CPA6: variants seen among roughly 807,000 people sequenced by gnomAD.
CPA6 encodes the protein carboxypeptidase B.
CPA6 carries 58 observed loss-of-function variants against 63.3 expected under a neutral mutation model. The observed-to-expected ratio is 0.92, with a 90% CI of 0.74 to 1.14. The LOEUF (loss-of-function observed/expected upper bound fraction) is 1.14, where lower values mean the gene tolerates loss of function less well. CPA6 is among the 50% of genes most tolerant of loss of function. CPA6 has a pLI of 0.00. For missense variants in CPA6, 565 were observed against 526.6 expected, an observed-to-expected ratio of 1.07 and a Z score of -0.71; for synonymous variants, 185 against 179.0, an observed-to-expected ratio of 1.03 and a Z score of -0.27.
Position 67,422,676 on chromosome 8 carries a change from C to A in CPA6, c.1142G>T (p.Ser381Ile), listed in dbSNP as rs1809792984. The change falls in exon 11 of 11, where the codon AGC becomes ATC. Residue 381 changes from serine (S) to isoleucine (I), a missense_variant. Coordinates refer to ENST00000297770, the MANE Select transcript of CPA6 (RefSeq NM_020361.5). ...ASTTLYVSSG[S>I]SMDWAYKNGI... ...ATTTTTGTAGGCCCAATCCATTGAGCTACCAGAGCTCACATCTAAAAGTTA... is the reference window on the plus strand; with the variant it reads ...ATTTTTGTAGGCCCAATCCATTGAGATACCAGAGCTCACATCTAAAAGTTA... 1 of 1,611,278 alleles carries A rather than the reference C, an allele frequency of 6.2e-7. No individual in the cohort carries two copies. Among genetic ancestry groups the A allele is most frequent in the East Asian group, 2.2e-5 (1 of 44,884 alleles).
chr8:67,519,077 C>A (rs1812208604), intron 2 of CPA6, among the ~76,000 whole-genome samples: 2 of 152,178 alleles, frequency 1.3e-5, no homozygotes, highest in African/African-American at 4.8e-5. Flanking sequence ...AAATTAGCCA[C>A]TCAGTGTTTG....
chr8:67,682,444 G>A (rs1816618469), intron 1 of CPA6, among the ~76,000 whole-genome samples: 1 of 152,114 alleles, frequency 6.6e-6, no homozygotes. Flanking sequence ...CTTGAACATT[G>A]GTGTACTGCT....
chr8:67,453,917 A>G (rs1202551648), intron 8 of CPA6, among the ~76,000 whole-genome samples: 1 of 152,252 alleles, frequency 6.6e-6, no homozygotes, highest in Non-Finnish European at 1.5e-5. Context: ...ACTCAGAAGT[A>G]CTGTGCCTTG....
At chr8:67,668,934 G>A (rs1363746829) in intron 1 of CPA6, among the ~76,000 whole-genome samples, 1 of 152,314 alleles carries the variant, frequency 6.6e-6, no homozygotes, top group Non-Finnish European at 1.5e-5. Context: ...GCTTGAATGA[G>A]AGGTGGATGC....
chr8:67,739,925 G>C (rs940571602), intron 1 of CPA6, among the ~76,000 whole-genome samples: 4 of 152,306 alleles, frequency 2.6e-5, no homozygotes, highest in Admixed American at 2.6e-4. Context: ...AAAACAAAAA[G>C]TCTTATATGT....
intron 8 of CPA6, among the ~76,000 whole-genome samples, chr8:67,444,243 C>T (rs892068633): frequency 1.6e-4 from 24 of 152,062 alleles, no homozygotes; most frequent in Non-Finnish European, 2.5e-4. Context: ...CCGCCTCGGC[C>T]TCCCAAAGTG....
At chr8:67,591,455 G>T (rs1213537811) in intron 2 of CPA6, among the ~76,000 whole-genome samples, 1 of 152,154 alleles carries the variant, frequency 6.6e-6, no homozygotes, top group East Asian at 1.9e-4. Flanking sequence ...GGAGGGCAAT[G>T]AATCTATAAA....
intron 1 of CPA6, among the ~76,000 whole-genome samples, chr8:67,642,965 T>G (rs1204309127): frequency 6.6e-6 from 1 of 152,118 alleles, no homozygotes; most frequent in East Asian, 1.9e-4. Context: ...TTAATTCAAT[T>G]ATATTAAAAT....
intron 7 of CPA6, among the ~76,000 whole-genome samples, chr8:67,484,100 C>T (rs147105735): frequency 0.03 from 4,513 of 151,372 alleles, 224 homozygotes; most frequent in African/African-American, 0.1. Flanking sequence ...GACAGAGTCT[C>T]GCTCTATCGC....
chr8:67,641,707 T>C (rs1412646523), intron 1 of CPA6, among the ~76,000 whole-genome samples: 1 of 152,198 alleles, frequency 6.6e-6, no homozygotes, highest in Non-Finnish European at 1.5e-5. Context: ...CCATCGTTTG[T>C]ATTCAATAGA....
intron 10 of CPA6, among the ~76,000 whole-genome samples, chr8:67,427,297 T>C (rs1563947808): frequency 6.6e-6 from 1 of 152,184 alleles, no homozygotes; most frequent in South Asian, 2.1e-4. Context: ...CTTAGCCAGA[T>C]TTTTTTGTCC....
chr8:67,501,438 C>A lies in CPA6; in HGVS notation c.636+5349G>T, dbSNP rs534342770. Among the ~76,000 whole-genome samples the A allele has an allele frequency of 2.6e-5, 4 of 152,170 alleles. No individual in the cohort carries two copies. In the East Asian group the frequency reaches 7.7e-4, roughly 29 times the overall value. On this transcript the variant is annotated intron_variant, in intron 6 of 10. Transcript: ENST00000297770. ...TGTATCCTGTTGAAAAATTTCCCCT[C>A]TCTTTCTTTAAGAGTTTTATCATGG...
At chr8:67,642,331 A>T (rs532631631) in intron 1 of CPA6, among the ~76,000 whole-genome samples, 101 of 147,584 alleles carry the variant, frequency 6.8e-4, no homozygotes, top group Non-Finnish European at 9.9e-4. Context: ...AAAAAAAAAA[A>T]ATATTGATTA....
intron 8 of CPA6, among the ~76,000 whole-genome samples, chr8:67,466,172 C>T (rs762360519): frequency 1.4e-5 from 2 of 142,048 alleles, no homozygotes; most frequent in Admixed American, 7.3e-5. Flanking sequence ...CAGTTTCTTA[C>T]TGATTCAATC....
chr8:67,475,997 CTTCCTTCCTTCT>C lies in CPA6; in HGVS notation c.838+7759_838+7770del, dbSNP rs1211531401. On this transcript the variant is annotated intron_variant, in intron 8 of 10. Coordinates refer to ENST00000297770, the MANE Select transcript of CPA6 (RefSeq NM_020361.5). The stretch of plus-strand genomic sequence containing the variant: ...CTCTTTCTTTCTCTCCCCTTCCTTC[CTTCCTTCCTTCT>C]TTCCTTCCTTTCTTCCTTTCTTTGA... 4.2e-5 allele frequency among the ~76,000 whole-genome samples: 6 copies of C among 141,838 alleles called. No individual in the cohort carries two copies. In the East Asian group the frequency reaches 1.0e-3, roughly 24 times the overall value. The allele number at this position is 141,838 out of a possible 152,430, so 93.1% of individuals were successfully genotyped here.
intron 6 of CPA6, among the ~76,000 whole-genome samples, chr8:67,487,703 A>C (rs1811512243): frequency 6.6e-6 from 1 of 152,184 alleles, no homozygotes; most frequent in African/African-American, 2.4e-5. Flanking sequence ...ATTTCTCCAC[A>C]TCCTCTCCAG....
At chr8:67,715,319 C>T (rs1817355146) in intron 1 of CPA6, among the ~76,000 whole-genome samples, 1 of 152,218 alleles carries the variant, frequency 6.6e-6, no homozygotes, top group Non-Finnish European at 1.5e-5. Flanking sequence ...TCCCATGACC[C>T]CCTTCTTAGG....
chr8:67,559,757 C>G (rs1440956686), intron 2 of CPA6, among the ~76,000 whole-genome samples: 1 of 151,724 alleles, frequency 6.6e-6, no homozygotes, highest in African/African-American at 2.4e-5. Context: ...ATTCTCTGAG[C>G]CATTCAGAGA....
intron 1 of CPA6, among the ~76,000 whole-genome samples, chr8:67,715,856 TAAAG>T (rs1384804888): frequency 6.6e-6 from 1 of 152,092 alleles, no homozygotes; most frequent in Non-Finnish European, 1.5e-5. Flanking sequence ...AATTGGATGT[TAAAG>T]AAATAGCAGT....
Sources: allele counts gnomAD v4.1 joint callset (sites outside exome capture counted in the v4.1 genomes callset), GRCh38; gene constraint gnomAD v4.1.1; transcripts MANE v1.5; gene names NCBI Gene and HGNC (gene_info 2026-07-23, HGNC 2026-07-21).